EHF: variants seen among roughly 807,000 people sequenced by gnomAD.
EHF encodes ESE3 transcription factor.
A neutral mutation model predicts 45.1 loss-of-function variants in EHF; 14 were observed. The ratio of observed to expected loss-of-function variants is 0.31; its 90% CI spans 0.21 to 0.49. The LOEUF (loss-of-function observed/expected upper bound fraction) is 0.49. Among genes scored for constraint, EHF ranks in the 20% least tolerant of loss-of-function variants. The pLI is 0.99. For missense variants in EHF, 282 were observed against 371.4 expected, an observed-to-expected ratio of 0.76 and a Z score of 1.98; for synonymous variants, 136 against 131.8, an observed-to-expected ratio of 1.03 and a Z score of -0.22.
intron 1 of EHF, among the ~76,000 whole-genome samples, chr11:34,639,747 T>A (rs1004980660): frequency 6.6e-6 from 1 of 152,204 alleles, no homozygotes; most frequent in African/African-American, 2.4e-5. Flanking sequence ...ATGTGCCCTG[T>A]AAAAAAGGGC....
chr11:34,627,144 G>GTGT (rs1852449880), intron 1 of EHF, among the ~76,000 whole-genome samples: 1 of 147,210 alleles, frequency 6.8e-6, no homozygotes, highest in East Asian at 1.9e-4. Flanking sequence ...GTGTGTGTGT[G>GTGT]GCGATCAACA....
chr11:34,630,927 G>A (rs1852830707), intron 1 of EHF, among the ~76,000 whole-genome samples: 2 of 152,092 alleles, frequency 1.3e-5, no homozygotes, highest in African/African-American at 2.4e-5. Context: ...AACCCCCAAC[G>A]GCCCGGAGAA....
chr11:34,662,560 TG>T lies in EHF; in HGVS notation c.*3634del, dbSNP rs1158116647. On this transcript the variant is annotated 3_prime_UTR_variant, in exon 9 of 9. Transcript: ENST00000257831. ...TAAAGCAGTTCTAAGTTTTAGTATT[TG>T]GGGGATTGGTTTTTATTATTTTTTT... is the stretch of plus-strand genomic sequence containing the variant. Among the ~76,000 whole-genome samples, 4 of 152,110 alleles carry T rather than the reference TG, an allele frequency of 2.6e-5. No individual in the cohort carries two copies. Among genetic ancestry groups the T allele is most frequent in the Non-Finnish European group, 5.9e-5 (4 of 67,996 alleles).
At chr11:34,621,419 G>A (rs145573200) in intron 1 of EHF, among the ~76,000 whole-genome samples, 191 bp downstream of exon 1, 50 of 152,142 alleles carry the variant, frequency 3.3e-4, no homozygotes, top group African/African-American at 1.2e-3. Context: ...GGGCAGGTTG[G>A]CTACTTTGGA....
At chr11:34,646,314 C>A (rs11032796) in intron 2 of EHF, 125 bp from the exon 3 acceptor site, 1 of 1,452,474 alleles carries the variant, frequency 6.9e-7, no homozygotes, top group South Asian at 1.3e-5. Flanking sequence ...ATCACCCATG[C>A]TGGCACATAC....
chr11:34,650,735 T>A (rs1239628417), intron 4 of EHF, among the ~76,000 whole-genome samples: 1 of 151,788 alleles, frequency 6.6e-6, no homozygotes, highest in Non-Finnish European at 1.5e-5. Flanking sequence ...TGCGTAGGAG[T>A]TGAGCTCCAT....
intron 1 of EHF, among the ~76,000 whole-genome samples, chr11:34,641,143 CT>C (rs1181351054): frequency 6.6e-6 from 1 of 152,138 alleles, no homozygotes; most frequent in Non-Finnish European, 1.5e-5. Context: ...TGGCTCTTTG[CT>C]GTTATAATGT....
chr11:34,658,760 G>C, intron 8 of EHF, 32 bp downstream of exon 8: 1 of 1,609,386 alleles, frequency 6.2e-7, no homozygotes, highest in South Asian at 1.1e-5. Context: ...AAAACAAAAA[G>C]GCTGTACGAC....
intron 1 of EHF, among the ~76,000 whole-genome samples, chr11:34,633,539 A>G (rs186925205): frequency 6.6e-6 from 1 of 152,230 alleles, no homozygotes; most frequent in Non-Finnish European, 1.5e-5. Flanking sequence ...AACATTGTTG[A>G]CTCTAACAAC....
At chr11:34,656,041 T>G (rs1367358670) in intron 6 of EHF, among the ~76,000 whole-genome samples, 1 of 146,378 alleles carries the variant, frequency 6.8e-6, no homozygotes, top group East Asian at 2.0e-4. Context: ...AGATCTACTT[T>G]GGTCCTCCCA....
At chr11:34,648,550 A>C (rs1854812387) in intron 3 of EHF, among the ~76,000 whole-genome samples, 1 of 152,206 alleles carries the variant, frequency 6.6e-6, no homozygotes, top group Admixed American at 6.5e-5. Flanking sequence ...TTTAAATCAA[A>C]GAAGAATCAA....
Position 34,646,536 on chromosome 11 carries a change from C to A in EHF, c.195C>A (p.Thr65=). Residue 65 remains threonine (T), a synonymous_variant, in exon 3 of 9, where the codon ACC becomes ACA. Transcript: ENST00000257831. Reference sequence around the variant, plus strand: ...AGTGGCTCCAGCACCTCCTGGACACCAACCAGCTGGATGCCAATTGTATCC... The same window carrying A: ...AGTGGCTCCAGCACCTCCTGGACACAAACCAGCTGGATGCCAATTGTATCC... The part of the protein sequence containing the change: ...VWEWLQHLLD[T]NQLDANCIPF... The A allele has an allele frequency of 6.2e-7, 1 of 1,613,898 alleles. No individual in the cohort carries two copies. The highest frequency in any genetic ancestry group is 8.5e-7 in the Non-Finnish European group (1 of 1,179,904).
chr11:34,635,143 A>G (rs1441654593), intron 1 of EHF, among the ~76,000 whole-genome samples: 1 of 152,144 alleles, frequency 6.6e-6, no homozygotes, highest in Admixed American at 6.5e-5. Context: ...TTACTATAAT[A>G]TAGTTATTAT....
chr11:34,635,516 A>C (rs1254037857), intron 1 of EHF, among the ~76,000 whole-genome samples: 1 of 132,758 alleles, frequency 7.5e-6, no homozygotes, highest in East Asian at 2.1e-4. Context: ...CAATGGTGCG[A>C]TCTCAGCTCA....
chr11:34,621,619 G>T (rs1186358124), intron 1 of EHF, among the ~76,000 whole-genome samples: 1 of 152,180 alleles, frequency 6.6e-6, no homozygotes, highest in Non-Finnish European at 1.5e-5. Context: ...AGCTGTTAGG[G>T]CTCAGAGTAC....
intron 1 of EHF, among the ~76,000 whole-genome samples, chr11:34,627,377 G>A (rs935285594): frequency 3.3e-5 from 5 of 152,114 alleles, no homozygotes; most frequent in African/African-American, 1.2e-4. Flanking sequence ...TGCCTGGCAA[G>A]TAGGGACCTG....
chr11:34,632,557 G>A (rs1275836461), intron 1 of EHF: 25 of 1,535,610 alleles, frequency 1.6e-5, no homozygotes, highest in Non-Finnish European at 2.0e-5. Context: ...CCAACTCCAC[G>A]TCCTAGTCAG....
chr11:34,627,198 T>C (rs147391069), intron 1 of EHF, among the ~76,000 whole-genome samples: 120 of 151,960 alleles, frequency 7.9e-4, no homozygotes, highest in African/African-American at 2.8e-3. Context: ...CAATAGGGTT[T>C]TTATTGGGAA....
At chr11:34,645,459 C>T (rs1010392709) in intron 2 of EHF, among the ~76,000 whole-genome samples, 3 of 152,090 alleles carry the variant, frequency 2.0e-5, no homozygotes, top group Non-Finnish European at 4.4e-5. Flanking sequence ...TCTCTGAGGT[C>T]ATTTTTTAGG....
Sources: allele counts gnomAD v4.1 joint callset (sites outside exome capture counted in the v4.1 genomes callset), GRCh38; gene constraint gnomAD v4.1.1; transcripts MANE v1.5; gene names NCBI Gene and HGNC (gene_info 2026-07-23, HGNC 2026-07-21).